The following SMPD3 variants were observed in gnomAD, a reference collection of about 807,000 sequenced individuals.
SMPD3 encodes sphingomyelin phosphodiesterase 3.
In SMPD3, 21 loss-of-function variants were observed where a neutral mutation model predicts 55.7. The observed-to-expected ratio is 0.38, with a 90% CI of 0.27 to 0.54. The LOEUF is 0.54. Ranked by LOEUF, SMPD3 falls within the 20% of genes least tolerant of loss-of-function variation. SMPD3 has a pLI of 0.80. For synonymous variants in SMPD3, 457 were observed against 404.3 expected (o/e 1.13, Z -1.56); for missense variants, 842 against 899.6 (o/e 0.94, Z 0.82).
At chr16:68,399,224 G>A (rs2090185997) in intron 1 of SMPD3, among the ~76,000 whole-genome samples, 1 of 152,164 alleles carries the variant, frequency 6.6e-6, no homozygotes, top group Admixed American at 6.5e-5. Context: ...ATCAGGACTG[G>A]CTAGGCTGTG....
intron 1 of SMPD3, among the ~76,000 whole-genome samples, chr16:68,446,697 A>G (rs532372189): frequency 6.6e-6 from 1 of 152,158 alleles, no homozygotes; most frequent in Non-Finnish European, 1.5e-5. Context: ...AACATGGCTG[A>G]TGGGGCGTGG....
chr16:68,445,753 C>G (rs1992858), intron 1 of SMPD3, among the ~76,000 whole-genome samples: 116,752 of 152,106 alleles, frequency 0.77, 45,055 homozygotes, highest in East Asian at 0.88. Context: ...CTGTTGTTCT[C>G]CTGGCCATCA....
intron 3 of SMPD3, chr16:68,368,738 G>T (rs57714419): frequency 0.017 from 2,630 of 152,442 alleles, 99 homozygotes; most frequent in African/African-American, 0.059. Context: ...CTCAGAAAGG[G>T]CAGAAATGGA....
In SMPD3 at chr16:68,371,589, CG is replaced by C; in HGVS notation, c.592del (p.Arg198GlyfsTer106). 6.3e-7 allele frequency: 1 copy of C among 1,575,086 alleles called. No individual in the cohort carries two copies. ...VSPQGGDGVARAVPGSIKRTA... is the reference protein window; with the variant it reads ...VSPQGGDGVAXAVPGSIKRTA... ...CCTCTTAATGCTCCCGGGGACGGCC[CG>C]GGCCACCCCATCGCCGCCCTGTGGT... On this transcript the variant is annotated frameshift_variant, in exon 3 of 9. Transcript: ENST00000219334. LOFTEE classifies it high-confidence loss of function.
At chr16:68,390,762 G>A (rs1217423675) in intron 1 of SMPD3, among the ~76,000 whole-genome samples, 8 of 152,172 alleles carry the variant, frequency 5.3e-5, no homozygotes, top group African/African-American at 1.2e-4. Flanking sequence ...GGAGTTGCCC[G>A]GTTCAAACAC....
intron 2 of SMPD3, among the ~76,000 whole-genome samples, chr16:68,381,610 C>T (rs1555588801): frequency 1.3e-5 from 2 of 152,144 alleles, no homozygotes; most frequent in Non-Finnish European, 1.5e-5. Flanking sequence ...AGTACTTAAA[C>T]GGTAGATGTG....
intron 1 of SMPD3, among the ~76,000 whole-genome samples, chr16:68,389,314 TC>T (rs1159167771): frequency 6.6e-6 from 1 of 152,186 alleles, no homozygotes; most frequent in African/African-American, 2.4e-5. Context: ...GAGGCCTCAA[TC>T]CCACAGGCCC....
rs965789827 is a variant in SMPD3, at chr16:68,360,588, T to C, written c.*618A>G. On this transcript the variant is annotated 3_prime_UTR_variant, in exon 9 of 9. Coordinates refer to ENST00000219334, the MANE Select transcript of SMPD3 (RefSeq NM_018667.4). ...TTTTCTTTTTAAAATGTAATTGCCC[T>C]TGAATGCGAGACCCTGGGAAGAGCC... 6.5e-5 allele frequency: 10 copies of C among 153,192 alleles called. No homozygotes were observed. Among genetic ancestry groups the C allele is most frequent in the African/African-American group, 2.4e-4 (10 of 41,594 alleles). 9.5% of individuals were successfully genotyped at this position (153,192 alleles called of 1,614,324 possible).
chr16:68,361,089 G>T lies in SMPD3; in HGVS notation c.*117C>A. 1 of 910,576 alleles carries T rather than the reference G, an allele frequency of 1.1e-6. No individual in the cohort carries two copies. Among genetic ancestry groups the T allele is most frequent in the Non-Finnish European group, 1.7e-6 (1 of 604,412 alleles). 56.4% of individuals were successfully genotyped at this position (910,576 alleles called of 1,614,324 possible). A position where few individuals can be genotyped will look rare whatever the true frequency, so the allele number is the denominator to read the frequency against. Reference sequence around the variant, plus strand: ...TCCAGGTTCCCGGGCACTGACTGTGGCTCCCTCCCTGTCCCTGCCCTCCTC... The same window carrying T: ...TCCAGGTTCCCGGGCACTGACTGTGTCTCCCTCCCTGTCCCTGCCCTCCTC... On this transcript the variant is annotated 3_prime_UTR_variant, in exon 9 of 9. Coordinates refer to ENST00000219334, the MANE Select transcript of SMPD3 (RefSeq NM_018667.4).
rs1260937976 is a variant in SMPD3 at position 68,447,695 on chromosome 16, C to T, written c.-269+658G>A. Among the ~76,000 whole-genome samples, 1 of 152,094 alleles carries T rather than the reference C, an allele frequency of 6.6e-6. No individual in the cohort carries two copies. The highest frequency in any genetic ancestry group is 1.5e-5 in the Non-Finnish European group (1 of 67,990). On this transcript the variant is annotated intron_variant, in intron 1 of 8. Coordinates refer to ENST00000219334, the MANE Select transcript of SMPD3 (RefSeq NM_018667.4). This position sits in a 1 kb window ranked among gnomAD's most constrained non-coding sequence, Gnocchi z 5.1. ...TTCCCTGCCACATTCCAATTCCACC[C>T]TTCACCAGTAACCTAGGAGGGTCCA...
At chr16:68,364,706 C>A in intron 5 of SMPD3, 45 bp downstream of exon 5, 1 of 1,578,046 alleles carries the variant, frequency 6.3e-7, no homozygotes. Context: ...GAGCCCACAG[C>A]CTCCCCAGAG....
chr16:68,446,118 C>T (rs1020562530), intron 1 of SMPD3, among the ~76,000 whole-genome samples: 3 of 152,148 alleles, frequency 2.0e-5, no homozygotes, highest in Non-Finnish European at 4.4e-5. Context: ...GAGTCCCCTG[C>T]CAAGCCTCAC....
intron 1 of SMPD3, among the ~76,000 whole-genome samples, chr16:68,417,678 C>A (rs187462036): frequency 6.6e-6 from 1 of 152,328 alleles, no homozygotes. Context: ...CCTAGACCTA[C>A]ACGCTACTAG....
At chr16:68,375,387 GGGA>G (rs1248315435) in intron 2 of SMPD3, among the ~76,000 whole-genome samples, 1 of 152,158 alleles carries the variant, frequency 6.6e-6, no homozygotes, top group Non-Finnish European at 1.5e-5. Context: ...AGAAGGATTC[GGGA>G]GGAGAAGGTC....
chr16:68,368,329 G>A (rs1034095681), intron 3 of SMPD3: 11 of 152,492 alleles, frequency 7.2e-5, no homozygotes, highest in African/African-American at 2.7e-4. Context: ...CTGGAGCTAA[G>A]GGTGGCGGGG....
At chr16:68,398,754 G>A (rs902270103) in intron 1 of SMPD3, among the ~76,000 whole-genome samples, 37 of 152,154 alleles carry the variant, frequency 2.4e-4, no homozygotes, top group Non-Finnish European at 2.9e-5. Flanking sequence ...CCCAAGTTTA[G>A]AAAGAAAAGC....
chr16:68,422,998 C>T (rs916897583), intron 1 of SMPD3, among the ~76,000 whole-genome samples: 7 of 152,238 alleles, frequency 4.6e-5, no homozygotes, highest in East Asian at 1.9e-4. Flanking sequence ...CAGTTCTCAG[C>T]GGGGGCTTCA....
chr16:68,377,901 C>A (rs1445579344), intron 2 of SMPD3, among the ~76,000 whole-genome samples: 1 of 152,212 alleles, frequency 6.6e-6, no homozygotes, highest in African/African-American at 2.4e-5. Context: ...AAGCCCTGGC[C>A]CCTGTGAGGA....
intron 1 of SMPD3, among the ~76,000 whole-genome samples, chr16:68,396,648 C>T (rs776485081): frequency 1.9e-5 from 2 of 103,650 alleles, no homozygotes; most frequent in African/African-American, 4.5e-5. Flanking sequence ...CCAGGAACCT[C>T]GGTGGAATCA....
Sources: allele counts gnomAD v4.1 joint callset (sites outside exome capture counted in the v4.1 genomes callset), GRCh38; gene constraint gnomAD v4.1.1; non-coding constraint Gnocchi (gnomAD v3.1); transcripts MANE v1.5; gene names NCBI Gene and HGNC (gene_info 2026-07-23, HGNC 2026-07-21).